Variants in GPR149 observed in about 807,000 individuals in gnomAD.
GPR149 encodes the protein probable G protein-coupled receptor 149.
GPR149 carries 50 observed loss-of-function variants against 50.2 expected under a neutral mutation model. The observed-to-expected ratio is 1.00, with a 90% CI of 0.79 to 1.26. GPR149 has a LOEUF of 1.26. Ranked by LOEUF, GPR149 falls within the 50% of genes most tolerant of loss-of-function variation. The probability of loss-of-function intolerance (pLI) is 0.00; values close to 1 mark genes in which losing one functional copy is unlikely to be tolerated. For missense variants in GPR149, 983 were observed against 895.4 expected (o/e 1.10, Z -1.25); for synonymous variants, 405 against 358.2 (o/e 1.13, Z -1.48).
intron 3 of GPR149, among the ~76,000 whole-genome samples, chr3:154,348,281 G>A (rs528404671): frequency 1.3e-5 from 2 of 152,232 alleles, no homozygotes; most frequent in South Asian, 2.1e-4. Context: ...GTTTATTCTT[G>A]TAGTCTAAAT....
At chr3:154,368,123 A>G (rs969952271) in intron 3 of GPR149, among the ~76,000 whole-genome samples, 6 of 152,130 alleles carry the variant, frequency 3.9e-5, no homozygotes, top group Non-Finnish European at 8.8e-5. Flanking sequence ...TAGACATTCT[A>G]GTCTTCCAGA....
chr3:154,368,127 T>C (rs1279978648), intron 3 of GPR149, among the ~76,000 whole-genome samples: 1 of 152,192 alleles, frequency 6.6e-6, no homozygotes, highest in Non-Finnish European at 1.5e-5. Flanking sequence ...CATTCTAGTC[T>C]TCCAGATTTC....
chr3:154,413,489 C>T (rs1711898787), intron 3 of GPR149, among the ~76,000 whole-genome samples: 1 of 151,814 alleles, frequency 6.6e-6, no homozygotes, highest in Non-Finnish European at 1.5e-5. Context: ...AAAAAGTGGG[C>T]TAAGGATTTG....
intron 3 of GPR149, among the ~76,000 whole-genome samples, chr3:154,358,875 G>C (rs994382243): frequency 1.3e-5 from 2 of 152,042 alleles, no homozygotes; most frequent in African/African-American, 4.8e-5. Flanking sequence ...ATGGGTGTTT[G>C]TATATATAAT....
intron 3 of GPR149, 90 bp downstream of exon 3, chr3:154,420,949 T>C (rs988491523): frequency 6.6e-5 from 62 of 932,818 alleles, no homozygotes; most frequent in Non-Finnish European, 9.1e-5. Context: ...TTGGGCTTGA[T>C]TGAATAAAAC....
intron 3 of GPR149, among the ~76,000 whole-genome samples, chr3:154,389,083 C>T (rs1156515314): frequency 6.6e-6 from 1 of 152,064 alleles, no homozygotes; most frequent in African/African-American, 2.4e-5. Context: ...TTCATTCGTT[C>T]ATTCTTATGG....
intron 3 of GPR149, among the ~76,000 whole-genome samples, chr3:154,343,889 G>T (rs1387601874): frequency 1.3e-5 from 2 of 151,884 alleles, no homozygotes. Context: ...TGAGGTGGGA[G>T]CATCACTTGA....
intron 3 of GPR149, among the ~76,000 whole-genome samples, chr3:154,387,166 C>A (rs1277721717): frequency 1.3e-5 from 2 of 152,194 alleles, no homozygotes; most frequent in Non-Finnish European, 2.9e-5. Flanking sequence ...GTTGAGCACA[C>A]TCTCTTCCTC....
chr3:154,352,336 T>A, intron 3 of GPR149: 1 of 1,107,638 alleles, frequency 9.0e-7, no homozygotes. Flanking sequence ...TTAGAAGACT[T>A]GTTTCCATCA....
chr3:154,371,664 G>A (rs1714665408), intron 3 of GPR149, among the ~76,000 whole-genome samples: 1 of 152,164 alleles, frequency 6.6e-6, no homozygotes, highest in African/African-American at 2.4e-5. Context: ...GGAGGAACTT[G>A]CCTCTTCTTA....
intron 3 of GPR149, among the ~76,000 whole-genome samples, chr3:154,388,622 C>T (rs1157773313): frequency 2.0e-5 from 3 of 152,108 alleles, no homozygotes; most frequent in Non-Finnish European, 2.9e-5. Context: ...CCCAGCAATG[C>T]CTGTGGAGCT....
chr3:154,376,563 G>C (rs890154816), intron 3 of GPR149, among the ~76,000 whole-genome samples: 3 of 152,266 alleles, frequency 2.0e-5, no homozygotes, highest in East Asian at 3.9e-4. Flanking sequence ...ATTTTTTCCA[G>C]TTACCAACAC....
intron 1 of GPR149, among the ~76,000 whole-genome samples, chr3:154,428,204 C>T (rs1308611335): frequency 2.0e-5 from 3 of 152,204 alleles, no homozygotes; most frequent in East Asian, 3.9e-4. Context: ...CCCTCTATCC[C>T]GCCCTGCTGG....
intron 3 of GPR149, among the ~76,000 whole-genome samples, chr3:154,370,507 A>G (rs1449877658): frequency 6.6e-6 from 1 of 152,164 alleles, no homozygotes; most frequent in African/African-American, 2.4e-5. Context: ...CCCCTCGCCC[A>G]TGTCCAATAT....
chr3:154,340,327 T>A (rs2108383036), intron 3 of GPR149, among the ~76,000 whole-genome samples: 1 of 152,364 alleles, frequency 6.6e-6, no homozygotes, highest in East Asian at 1.9e-4. Context: ...TCATTGACTC[T>A]ACATGTGTAA....
chr3:154,350,391 C>T (rs1345966361), intron 3 of GPR149, among the ~76,000 whole-genome samples: 6 of 152,088 alleles, frequency 3.9e-5, no homozygotes. Flanking sequence ...ATTTGTACTT[C>T]TATGACTAGC....
At chr3:154,382,442 C>T (rs868605591) in intron 3 of GPR149, among the ~76,000 whole-genome samples, 1 of 152,192 alleles carries the variant, frequency 6.6e-6, no homozygotes, top group Non-Finnish European at 1.5e-5. Context: ...AGTATGAACA[C>T]AGCACTCAGA....
chr3:154,418,931 T>C (rs910683393), intron 3 of GPR149, among the ~76,000 whole-genome samples: 18 of 152,118 alleles, frequency 1.2e-4, no homozygotes, highest in African/African-American at 4.3e-4. Flanking sequence ...CAGGTACTTT[T>C]ACTAAGGGAA....
intron 3 of GPR149, among the ~76,000 whole-genome samples, chr3:154,408,583 TGTGACTCA>T (rs1205912197): frequency 6.6e-6 from 1 of 152,074 alleles, no homozygotes; most frequent in East Asian, 1.9e-4. Flanking sequence ...TGGTGACCTG[TGTGACTCA>T]GCATAGGTAG....
Sources: gnomAD v4.1 joint callset for allele counts (sites outside exome capture counted in the v4.1 genomes callset) on GRCh38, gnomAD v4.1.1 for gene constraint, MANE v1.5 for transcripts, NCBI Gene and HGNC (gene_info 2026-07-23, HGNC 2026-07-21) for gene names.